MKLN1: variants seen among roughly 807,000 people sequenced by gnomAD.
MKLN1 encodes the protein muskelin 1, also known as muskelin.
A neutral mutation model predicts 99.0 loss-of-function variants in MKLN1; 18 were observed. The observed-to-expected ratio is 0.18, with a 90% CI of 0.13 to 0.27. MKLN1 has a LOEUF of 0.27. Ranked by LOEUF, MKLN1 falls within the 10% of genes least tolerant of loss-of-function variation. The pLI is 1.00. For missense variants in MKLN1, 621 were observed against 875.9 expected, an observed-to-expected ratio of 0.71 and a Z score of 3.67; for synonymous variants, 288 against 293.2, an observed-to-expected ratio of 0.98 and a Z score of 0.18.
chr7:131,181,445 C>T (rs1008009632), intron 2 of MKLN1, among the ~76,000 whole-genome samples: 2 of 152,150 alleles, frequency 1.3e-5, no homozygotes, highest in South Asian at 2.1e-4. Flanking sequence ...CAGTGACTCA[C>T]ACCTATAATC....
chr7:131,154,615 G>A (rs914464797), intron 2 of MKLN1, among the ~76,000 whole-genome samples: 4 of 152,052 alleles, frequency 2.6e-5, no homozygotes, highest in African/African-American at 9.7e-5. Context: ...CAGAAGCAAT[G>A]AGCACTCTTG....
At chr7:131,449,157 A>G (rs1796104569) in intron 12 of MKLN1, among the ~76,000 whole-genome samples, 2 of 152,224 alleles carry the variant, frequency 1.3e-5, no homozygotes, top group African/African-American at 4.8e-5. Flanking sequence ...GAGAATTAGG[A>G]AGAACCATGT....
chr7:131,239,023 C>G (rs1291850727), intron 3 of MKLN1, among the ~76,000 whole-genome samples: 1 of 152,144 alleles, frequency 6.6e-6, no homozygotes, highest in Non-Finnish European at 1.5e-5. Flanking sequence ...AAAGAAGAAC[C>G]AGGTTTTGAC....
intron 2 of MKLN1, among the ~76,000 whole-genome samples, chr7:131,192,326 ATATAT>A (rs1796574792): frequency 9.4e-6 from 1 of 105,868 alleles, no homozygotes; most frequent in African/African-American, 4.3e-5. Context: ...AATATATACA[ATATAT>A]AAATATATAA....
At chr7:131,142,365 C>T (rs1390014748) in intron 1 of MKLN1, among the ~76,000 whole-genome samples, 2 of 150,702 alleles carry the variant, frequency 1.3e-5, no homozygotes, top group Admixed American at 6.6e-5. Context: ...GAGCCAAGAT[C>T]GCGCCACTGT....
intron 1 of MKLN1, among the ~76,000 whole-genome samples, chr7:131,347,725 A>G (rs539474125): frequency 6.6e-6 from 1 of 152,138 alleles, no homozygotes; most frequent in Non-Finnish European, 1.5e-5. Context: ...TCAGCATTTC[A>G]TTTATACTTA....
chr7:131,353,293 T>C (rs1045573500), intron 1 of MKLN1, among the ~76,000 whole-genome samples: 3 of 152,158 alleles, frequency 2.0e-5, no homozygotes, highest in Admixed American at 1.3e-4. Flanking sequence ...TTTTATCTTT[T>C]AGCTATTATG....
intron 3 of MKLN1, among the ~76,000 whole-genome samples, chr7:131,285,933 G>T (rs539144524): frequency 6.6e-6 from 1 of 150,716 alleles, no homozygotes; most frequent in Non-Finnish European, 1.5e-5. Flanking sequence ...TATTCTCTGC[G>T]TGTGTTTCCT....
intron 2 of MKLN1, among the ~76,000 whole-genome samples, chr7:131,191,407 GGT>G (rs1470387908): frequency 1.3e-5 from 2 of 152,144 alleles, no homozygotes; most frequent in Non-Finnish European, 2.9e-5. Context: ...CCAGTGTTGT[GGT>G]GTGTGAGTGA....
chr7:131,312,313 G>A (rs7811010), intron 3 of MKLN1, among the ~76,000 whole-genome samples: 5,789 of 152,126 alleles, frequency 0.038, 333 homozygotes, highest in African/African-American at 0.13. Flanking sequence ...GTGAGCCACC[G>A]CATCTAGCCC....
intron 3 of MKLN1, among the ~76,000 whole-genome samples, chr7:131,232,210 GC>G (rs1381542401): frequency 6.6e-6 from 1 of 152,090 alleles, no homozygotes; most frequent in Non-Finnish European, 1.5e-5. Flanking sequence ...CTCATTATTA[GC>G]ACAAATTGAG....
At chr7:131,295,853 C>G (rs1798283014) in intron 3 of MKLN1, among the ~76,000 whole-genome samples, 2 of 150,034 alleles carry the variant, frequency 1.3e-5, no homozygotes, top group Admixed American at 6.6e-5. Context: ...CTACTGCACT[C>G]CAGCCTGGGT....
chr7:131,458,403 A>G (rs565717807), intron 12 of MKLN1, among the ~76,000 whole-genome samples: 10 of 152,320 alleles, frequency 6.6e-5, no homozygotes, highest in African/African-American at 2.4e-4. Context: ...ATGATGATCA[A>G]AATTTGTTGT....
chr7:131,353,381 A>G (rs986536193), intron 1 of MKLN1, among the ~76,000 whole-genome samples: 4 of 151,918 alleles, frequency 2.6e-5, no homozygotes, highest in South Asian at 2.1e-4. Context: ...TTTATTTGCT[A>G]TCTGTATAAC....
chr7:131,317,007 G>T (rs559018038), intron 3 of MKLN1, among the ~76,000 whole-genome samples: 219 of 152,298 alleles, frequency 1.4e-3, no homozygotes, highest in African/African-American at 5.0e-3. Context: ...GTGATGGGGA[G>T]AATGGAACCA....
intron 2 of MKLN1, among the ~76,000 whole-genome samples, chr7:131,176,281 G>A (rs1207718188): frequency 6.6e-6 from 1 of 151,988 alleles, no homozygotes; most frequent in East Asian, 1.9e-4. Flanking sequence ...TTTCCTTTAT[G>A]TATTTTTAAG....
At chr7:131,294,089 G>A (rs893449776) in intron 3 of MKLN1, among the ~76,000 whole-genome samples, 4 of 152,082 alleles carry the variant, frequency 2.6e-5, no homozygotes, top group South Asian at 4.2e-4. Flanking sequence ...CTAGAGAAAC[G>A]GAATCAAATG....
intron 3 of MKLN1, among the ~76,000 whole-genome samples, chr7:131,276,518 G>T (rs569591659): frequency 2.6e-5 from 4 of 152,298 alleles, no homozygotes; most frequent in African/African-American, 9.6e-5. Flanking sequence ...CACATGAAAG[G>T]TGGGTGAAAG....
At chr7:131,124,514 G>C (rs1375617189) in intron 1 of MKLN1, among the ~76,000 whole-genome samples, 3 of 152,118 alleles carry the variant, frequency 2.0e-5, no homozygotes, top group African/African-American at 4.8e-5. Context: ...GTACTTAAAC[G>C]CTGGCTCAGA....
Sources: gnomAD v4.1 joint callset for allele counts (sites outside exome capture counted in the v4.1 genomes callset) on GRCh38, gnomAD v4.1.1 for gene constraint, MANE v1.5 for transcripts, NCBI Gene and HGNC (gene_info 2026-07-23, HGNC 2026-07-21) for gene names.